The following USP34 variants were observed in gnomAD, a reference collection of about 807,000 sequenced individuals.
The protein encoded by USP34 is ubiquitin specific peptidase 34, also known as ubiquitin carboxyl-terminal hydrolase 34.
In USP34, 70 loss-of-function variants were observed where a neutral mutation model predicts 460.3. The ratio of observed to expected loss-of-function variants is 0.15; its 90% CI spans 0.13 to 0.19. The LOEUF (loss-of-function observed/expected upper bound fraction) is 0.19, where lower values mean the gene tolerates loss of function less well. Among genes scored for constraint, USP34 ranks in the 10% least tolerant of loss-of-function variants. The pLI is 1.00. For missense variants in USP34, 3,985 were observed against 4,236.2 expected, an observed-to-expected ratio of 0.94 and a Z score of 1.65; for synonymous variants, 1,647 against 1,405.3, an observed-to-expected ratio of 1.17 and a Z score of -3.85.
At chr2:61,378,919 A>AAAC (rs1692881882) in intron 7 of USP34, among the ~76,000 whole-genome samples, 2 of 149,200 alleles carry the variant, frequency 1.3e-5, no homozygotes, top group Non-Finnish European at 1.5e-5. Flanking sequence ...AAACGAAAAA[A>AAAC]AAAAAAAAAA....
chr2:61,288,763 T>A lies in USP34; in HGVS notation c.4663A>T (p.Ser1555Cys). The A allele has an allele frequency of 6.2e-7, 1 of 1,614,102 alleles. No individual in the cohort carries two copies. The highest frequency in any genetic ancestry group is 8.5e-7 in the Non-Finnish European group (1 of 1,179,970). ...CCAGGCCAGGTTCTTTTCCTATGGC[T>A]TTCCGCTATACCAGACCAGGCAAAG... ...DVFAWSGIAE[S>C]HRKRTWPGKS... is the part of the protein sequence containing the mutation. Residue 1555 changes from serine to cysteine, a missense_variant, in exon 34 of 80, where the codon AGC becomes TGC. Ser to Cys is a moderately radical substitution (Grantham distance 112). Transcript: ENST00000398571.
intron 62 of USP34, 84 bp downstream of exon 62, chr2:61,226,983 T>A: frequency 7.0e-7 from 1 of 1,430,902 alleles, no homozygotes; most frequent in Non-Finnish European, 9.3e-7. Flanking sequence ...AATAAAAAGC[T>A]AGTGGAAAAA....
At chr2:61,419,027 T>C (rs758278768) in intron 2 of USP34, among the ~76,000 whole-genome samples, 2 of 152,236 alleles carry the variant, frequency 1.3e-5, no homozygotes, top group African/African-American at 4.8e-5. Flanking sequence ...CTAAGCACTT[T>C]GTTTTCTTAC....
chr2:61,428,959 A>G (rs1694587179), intron 1 of USP34, among the ~76,000 whole-genome samples: 1 of 152,200 alleles, frequency 6.6e-6, no homozygotes, highest in Non-Finnish European at 1.5e-5. Flanking sequence ...GAGCAAAACA[A>G]AATAATAACT....
In USP34 at chr2:61,222,680, AG is replaced by A. The variant is rs1404618551; in HGVS notation, c.7750-18del. 6.2e-7 allele frequency: 1 copy of A among 1,607,992 alleles called. No individual in the cohort carries two copies. The highest frequency in any genetic ancestry group is 1.1e-5 in the South Asian group (1 of 90,598). Reference sequence around the variant, plus strand: ...AGATACAATCTAAAACAGAAAGAGGAGGATTTCAGGATATTCTTGTTTTGTT... The same window carrying A: ...AGATACAATCTAAAACAGAAAGAGGAGATTTCAGGATATTCTTGTTTTGTT... On this transcript the variant is annotated intron_variant, in intron 64 of 79. Transcript: ENST00000398571.
At chr2:61,206,311 G>A (rs549374857) in intron 71 of USP34, among the ~76,000 whole-genome samples, 187 bp from the exon 72 acceptor site, 65 of 152,276 alleles carry the variant, frequency 4.3e-4, no homozygotes, top group African/African-American at 1.5e-3. Context: ...ATTTCTTAAA[G>A]AACATATTTC....
At chr2:61,399,140 G>A (rs1199488621) in intron 3 of USP34, among the ~76,000 whole-genome samples, 2 of 151,946 alleles carry the variant, frequency 1.3e-5, no homozygotes, top group Non-Finnish European at 2.9e-5. Context: ...GGATCACGAG[G>A]TCAGGAGTTC....
intron 8 of USP34, among the ~76,000 whole-genome samples, chr2:61,374,070 C>T (rs530291246): frequency 1.1e-4 from 17 of 151,054 alleles, no homozygotes; most frequent in African/African-American, 3.4e-4. Context: ...GCAGCACAAT[C>T]GCTTGAAGCC....
chr2:61,325,489 T>C, intron 20 of USP34, 32 bp from the exon 21 acceptor site: 2 of 1,365,404 alleles, frequency 1.5e-6, no homozygotes, highest in African/African-American at 1.5e-5. Flanking sequence ...AATAATTAAA[T>C]ATCCTATTTC....
intron 33 of USP34, among the ~76,000 whole-genome samples, chr2:61,292,884 T>C (rs1689904234): frequency 6.6e-6 from 1 of 152,072 alleles, no homozygotes; most frequent in Admixed American, 6.5e-5. Context: ...TAACATTTTT[T>C]AAAATTTCCA....
intron 68 of USP34, among the ~76,000 whole-genome samples, chr2:61,213,812 T>C (rs12615783): frequency 0.33 from 49,999 of 152,038 alleles, 8,415 homozygotes; most frequent in South Asian, 0.38. Flanking sequence ...AAACCACAAA[T>C]TAAAAAACAG....
intron 53 of USP34, among the ~76,000 whole-genome samples, chr2:61,239,381 A>T (rs1039270573): frequency 1.3e-5 from 2 of 152,016 alleles, no homozygotes; most frequent in Non-Finnish European, 2.9e-5. Flanking sequence ...ATGTAAATAA[A>T]CAAAATACAT....
chr2:61,421,829 C>T (rs533258429), intron 1 of USP34, among the ~76,000 whole-genome samples: 51 of 152,212 alleles, frequency 3.4e-4, no homozygotes, highest in Middle Eastern at 6.8e-3. Context: ...CTTAATCAGA[C>T]TACATACACA....
chr2:61,235,992 A>T, intron 56 of USP34, 34 bp downstream of exon 56: 2 of 1,599,486 alleles, frequency 1.3e-6, no homozygotes, highest in Non-Finnish European at 8.5e-7. Context: ...TAAAAACATA[A>T]ATGACAAAAA....
chr2:61,206,084 T>C lies in USP34; in HGVS notation c.9087A>G (p.Glu3029=). ...QALIQWQERI[E]FAHKLLTLLN... ...GAAGAGTTAACAGTTTATGGGCAAA[T>C]TCAATTCGCTCCTGCCACTGGATTA... Residue 3029 remains glutamate (E), a synonymous_variant, in exon 72 of 80, where the codon GAA becomes GAG. Coordinates refer to ENST00000398571, the MANE Select transcript of USP34 (RefSeq NM_014709.4). The C allele has an allele frequency of 6.2e-7, 1 of 1,613,822 alleles. No homozygotes were observed. Among genetic ancestry groups the C allele is most frequent in the Non-Finnish European group, 8.5e-7 (1 of 1,179,838 alleles).
intron 8 of USP34, among the ~76,000 whole-genome samples, chr2:61,373,754 C>A (rs1397215528): frequency 1.3e-5 from 2 of 152,138 alleles, no homozygotes; most frequent in Admixed American, 6.5e-5. Flanking sequence ...TAATACTGAA[C>A]CCTTGGCCCT....
At position 61,236,356 on chromosome 2, in the gene USP34, C is replaced by T. The variant is rs1023593623; in HGVS notation, c.6811G>A (p.Asp2271Asn). 2 of 1,603,806 alleles carry T rather than the reference C, an allele frequency of 1.2e-6. No individual in the cohort carries two copies. Among genetic ancestry groups the T allele is most frequent in the Non-Finnish European group, 1.7e-6 (2 of 1,176,118 alleles). ...IWHDNMQFLQ[D>N]KNIFEHTYFG... ...TATGTATGTTCAAAAATGTTTTTGTCTTGAAGAAACTGCATGTTATCATGC... is the reference window on the plus strand; with the variant it reads ...TATGTATGTTCAAAAATGTTTTTGTTTTGAAGAAACTGCATGTTATCATGC... Residue 2271 changes from aspartate (D) to asparagine (N), a missense_variant, in exon 54 of 80, where the codon GAC (aspartate) becomes AAC (asparagine). Physicochemically the swap from Asp to Asn is conservative, Grantham distance 23. Around this residue, in one of 14 missense-constraint regions of USP34, gnomAD observed 604 missense variants for 684.8 expected, o/e 0.88. Coordinates refer to ENST00000398571, the MANE Select transcript of USP34 (RefSeq NM_014709.4).
rs754422454 is a variant in USP34, at chr2:61,266,020, G to C, written c.5581C>G (p.Leu1861Val). ...TGTGCCATAACCCAGTTGTGTATTA[G>C]CCTGTAGTTCTCAACAGACCCCTTT... ...MVKGSVENYR[L>V]IHNWVMAQHM... The change falls in exon 42 of 80, where the codon CTA becomes GTA. Residue 1861 changes from leucine to valine, a missense_variant. Leu to Val is a conservative substitution (Grantham distance 32). Around this residue, in one of 14 missense-constraint regions of USP34, gnomAD observed 1,114 missense variants for 1,122.5 expected, o/e 0.99. Transcript: ENST00000398571. 3 of 1,613,400 alleles carry C rather than the reference G, an allele frequency of 1.9e-6. No individual in the cohort carries two copies. Among genetic ancestry groups the C allele is most frequent in the Admixed American group, 1.7e-5 (1 of 60,014 alleles).
chr2:61,237,830 A>T (rs774086382), intron 53 of USP34, among the ~76,000 whole-genome samples: 1 of 150,186 alleles, frequency 6.7e-6, no homozygotes, highest in East Asian at 2.0e-4. Context: ...CCTACTTCCC[A>T]AAGTGCTTAG....
Sources: gnomAD v4.1 joint callset for allele counts (sites outside exome capture counted in the v4.1 genomes callset) on GRCh38, gnomAD v4.1.1 for gene constraint, gnomAD v4.1.1 regional missense constraint, MANE v1.5 for transcripts, NCBI Gene and HGNC (gene_info 2026-07-23, HGNC 2026-07-21) for gene names.